DNAH9: variants seen among roughly 807,000 people sequenced by gnomAD.
DNAH9 encodes the protein dynein axonemal heavy chain 9, also known as DNAH9 variant protein.
In DNAH9, 345 loss-of-function variants were observed where a neutral mutation model predicts 471.6. That is an observed-to-expected ratio of 0.73 (90% confidence interval 0.67 to 0.80). DNAH9 has a LOEUF of 0.80. Among genes scored for constraint, DNAH9 ranks in the 30% least tolerant of loss-of-function variants. The probability of loss-of-function intolerance (pLI) is 0.00; values close to 1 mark genes in which losing one functional copy is unlikely to be tolerated. For missense variants in DNAH9, 5,407 were observed against 5,609.2 expected (o/e 0.96, Z 1.15); for synonymous variants, 2,093 against 2,123.6 (o/e 0.99, Z 0.40).
intron 45 of DNAH9, among the ~76,000 whole-genome samples, chr17:11,814,585 G>A (rs1367778080): frequency 1.3e-5 from 2 of 152,170 alleles, no homozygotes; most frequent in Non-Finnish European, 2.9e-5. Flanking sequence ...TAGGTACTGT[G>A]CTCAAAGATG....
intron 49 of DNAH9, 84 bp from the exon 50 acceptor site, chr17:11,853,919 C>A: frequency 1.5e-6 from 2 of 1,333,478 alleles, no homozygotes; most frequent in Admixed American, 2.1e-5. Context: ...TCAAACCGAT[C>A]GCTCCACAAC....
chr17:11,861,905 TA>T (rs1294553435), intron 50 of DNAH9, among the ~76,000 whole-genome samples: 1 of 151,412 alleles, frequency 6.6e-6, no homozygotes, highest in Non-Finnish European at 1.5e-5. Flanking sequence ...GAGTTCATTG[TA>T]GATTCTGGAT....
chr17:11,773,078 T>A (rs374691149), intron 38 of DNAH9, among the ~76,000 whole-genome samples: 142 of 152,204 alleles, frequency 9.3e-4, no homozygotes, highest in African/African-American at 3.1e-3. Context: ...ATTTGGAGAA[T>A]CAGCTGAATG....
At chr17:11,866,826 G>T (rs1343351205) in intron 50 of DNAH9, among the ~76,000 whole-genome samples, 2 of 152,264 alleles carry the variant, frequency 1.3e-5, no homozygotes, top group African/African-American at 2.4e-5. Context: ...CTCCGAGCCA[G>T]GTGCAGGATA....
intron 17 of DNAH9, among the ~76,000 whole-genome samples, chr17:11,671,873 C>T (rs2073978122): frequency 6.6e-6 from 1 of 152,128 alleles, no homozygotes; most frequent in African/African-American, 2.4e-5. Context: ...GCTAGGAGGC[C>T]TGACTTTTGT....
intron 67 of DNAH9, among the ~76,000 whole-genome samples, chr17:11,958,731 T>TA (rs5819345): frequency 0.3 from 43,575 of 145,174 alleles, 7,302 homozygotes; most frequent in Non-Finnish European, 0.4. Flanking sequence ...AAAACTGCCC[T>TA]AAAAAAAAAA....
Position 11,598,914 on chromosome 17 carries a change from A to G in DNAH9, c.416A>G (p.Glu139Gly). ...GAGCACCTAGCCGCGCTGTTCTCGG[A>G]GGTGAGGGTGGGTTAGTGTCCCCGC... ...PLEHLAALFSEVVLPVLANEK... is the reference protein window; with the variant it reads ...PLEHLAALFSGVVLPVLANEK... Residue 139 changes from glutamate to glycine, a missense_variant and splice_region_variant, in exon 1 of 69, where the codon GAG (glutamate) becomes GGG (glycine). Around this residue, in one of 3 missense-constraint regions of DNAH9, gnomAD observed 767 missense variants for 692.5 expected, o/e 1.11. Transcript: ENST00000262442. 8.3e-7 allele frequency: 1 copy of G among 1,208,448 alleles called. No individual in the cohort carries two copies. The highest frequency in any genetic ancestry group is 1.0e-6 in the Non-Finnish European group (1 of 957,968). 74.9% of individuals were successfully genotyped at this position (1,208,448 alleles called of 1,614,324 possible).
intron 30 of DNAH9, among the ~76,000 whole-genome samples, chr17:11,743,567 G>A (rs1470337386): frequency 3.3e-5 from 5 of 152,094 alleles, no homozygotes; most frequent in African/African-American, 4.8e-5. Context: ...CAACAGCAGC[G>A]GCTCACAGCT....
chr17:11,781,537 A>G (rs1268757247), intron 39 of DNAH9, among the ~76,000 whole-genome samples: 3 of 152,190 alleles, frequency 2.0e-5, no homozygotes, highest in African/African-American at 4.8e-5. Flanking sequence ...TGCTTCAATG[A>G]TAACACCTAA....
intron 43 of DNAH9, among the ~76,000 whole-genome samples, chr17:11,799,588 T>TG (rs1969379192): frequency 6.6e-6 from 1 of 152,070 alleles, no homozygotes. Flanking sequence ...ACTGTCTTTT[T>TG]TTGTTGTTGT....
chr17:11,728,132 T>C, intron 28 of DNAH9: 1 of 555,212 alleles, frequency 1.8e-6, no homozygotes, highest in Non-Finnish European at 3.2e-6. Flanking sequence ...TAGAACCATT[T>C]ACTGGCTTTG....
chr17:11,804,143 A>G lies in DNAH9; in HGVS notation c.8421-3589A>G, dbSNP rs143062582. 2.2e-4 allele frequency among the ~76,000 whole-genome samples: 33 copies of G among 152,380 alleles called. No homozygotes were observed. The East Asian group carries it at 6.2e-3, about 28-fold the overall frequency. On this transcript the variant is annotated intron_variant, in intron 43 of 68. Coordinates refer to ENST00000262442, the MANE Select transcript of DNAH9 (RefSeq NM_001372.4). Reference sequence around the variant, plus strand: ...TCAGACATCTAGAAATTACAGTTTCATAGGAAAGCAAGAGAAGTGTAAATC... The same window carrying G: ...TCAGACATCTAGAAATTACAGTTTCGTAGGAAAGCAAGAGAAGTGTAAATC...
chr17:11,900,642 G>T (rs9896935), intron 59 of DNAH9, among the ~76,000 whole-genome samples: 75 of 151,696 alleles, frequency 4.9e-4, no homozygotes, highest in Non-Finnish European at 8.5e-4. Context: ...TGTGTTTTTT[G>T]TTGTTGTTGT....
At chr17:11,954,003 C>T (rs1333378757) in intron 67 of DNAH9, 1 of 151,954 alleles carries the variant, frequency 6.6e-6, no homozygotes, top group East Asian at 1.9e-4. Context: ...GCTGAGTAGG[C>T]ACTGCAGGAG....
At position 11,745,091 on chromosome 17, in the gene DNAH9, G is replaced by A. The variant is rs370751020; in HGVS notation, c.6399+7G>A. Reference sequence around the variant, plus strand: ...GGACAACTTTGTGCTCAAGGTACATGTGGTTTTTCCTCCCAGGATTTCTCT... The same window carrying A: ...GGACAACTTTGTGCTCAAGGTACATATGGTTTTTCCTCCCAGGATTTCTCT... On this transcript the variant is annotated splice_region_variant and intron_variant, in intron 31 of 68. Coordinates refer to ENST00000262442, the MANE Select transcript of DNAH9 (RefSeq NM_001372.4). 10 of 1,603,502 alleles carry A rather than the reference G, an allele frequency of 6.2e-6. No homozygotes were observed. In the Admixed American group the frequency reaches 1.5e-4, roughly 24 times the overall value.
At chr17:11,728,802 C>T (rs2075204210) in intron 28 of DNAH9, among the ~76,000 whole-genome samples, 1 of 152,114 alleles carries the variant, frequency 6.6e-6, no homozygotes, top group Non-Finnish European at 1.5e-5. Context: ...CACGTCTTTC[C>T]ACCATGGCCC....
chr17:11,838,177 C>T (rs572302859), intron 49 of DNAH9, among the ~76,000 whole-genome samples: 41 of 152,180 alleles, frequency 2.7e-4, no homozygotes, highest in South Asian at 4.2e-4. Flanking sequence ...TCACATTCTA[C>T]GGTAGGAAGT....
chr17:11,963,434 CAA>C (rs199930347), intron 68 of DNAH9, among the ~76,000 whole-genome samples: 1,599 of 123,166 alleles, frequency 0.013, 32 homozygotes, highest in African/African-American at 0.045. Context: ...AACTCCGTCT[CAA>C]AAAAAAAAAA....
intron 28 of DNAH9, among the ~76,000 whole-genome samples, chr17:11,728,183 T>G (rs988353254): frequency 2.6e-5 from 4 of 152,162 alleles, no homozygotes; most frequent in African/African-American, 9.7e-5. Flanking sequence ...AGAAAGAATA[T>G]CTGTCCTGCC....
Sources: gnomAD v4.1 joint callset for allele counts (sites outside exome capture counted in the v4.1 genomes callset) on GRCh38, gnomAD v4.1.1 for gene constraint, gnomAD v4.1.1 regional missense constraint, MANE v1.5 for transcripts, NCBI Gene and HGNC (gene_info 2026-07-23, HGNC 2026-07-21) for gene names.